The following COL4A4 variants were observed in gnomAD, a reference collection of about 807,000 sequenced individuals.
The protein encoded by COL4A4 is collagen alpha-4(IV) chain.
In COL4A4, 105 loss-of-function variants were observed where a neutral mutation model predicts 192.9. The observed-to-expected ratio is 0.54, with a 90% CI of 0.46 to 0.64. COL4A4 has a LOEUF of 0.64. Among genes scored for constraint, COL4A4 ranks in the 30% least tolerant of loss-of-function variants. The pLI is 0.00. For synonymous variants in COL4A4, 762 were observed against 769.9 expected, an observed-to-expected ratio of 0.99 and a Z score of 0.17; for missense variants, 1,967 against 2,169.3, an observed-to-expected ratio of 0.91 and a Z score of 1.85.
At chr2:227,054,456 A>G in intron 31 of COL4A4, 138 bp downstream of exon 31, 1 of 946,908 alleles carries the variant, frequency 1.1e-6, no homozygotes, top group Non-Finnish European at 1.6e-6. Context: ...TTAAAATTCT[A>G]AAACAAATAC....
the COL4A4 span, among the ~76,000 whole-genome samples, chr2:226,973,653 T>C: frequency 3.9e-5 from 6 of 152,196 alleles, no homozygotes; most frequent in African/African-American, 1.4e-4. Context: ...CAAAGGTAAG[T>C]TAGATCAAGA....
At chr2:227,109,955 G>A (rs955827798) in intron 9 of COL4A4, among the ~76,000 whole-genome samples, 2 of 152,248 alleles carry the variant, frequency 1.3e-5, no homozygotes, top group South Asian at 4.1e-4. Flanking sequence ...TGCTTTTAAA[G>A]TATTATTATT....
intron 20 of COL4A4, 44 bp downstream of exon 20, chr2:227,094,081 A>C (rs776204699): frequency 1.3e-6 from 2 of 1,566,278 alleles, no homozygotes; most frequent in South Asian, 1.1e-5. Context: ...GCAAATATCA[A>C]AAGCAGCATA....
At position 227,091,037 on chromosome 2, in the gene COL4A4, A is replaced by G. The variant is rs1030524644; in HGVS notation, c.1370-1080T>C. Among the ~76,000 whole-genome samples the G allele has an allele frequency of 6.6e-5, 10 of 151,886 alleles. No homozygotes were observed. The East Asian group carries it at 1.4e-3, about 21-fold the overall frequency. On this transcript the variant is annotated intron_variant, in intron 20 of 47. Transcript: ENST00000396625. Reference sequence around the variant, plus strand: ...ATGATTTGTCTAAAAAAACAGACCAAAAGATCCCCTTCCTGAAATTGGCAG... The same window carrying G: ...ATGATTTGTCTAAAAAAACAGACCAGAAGATCCCCTTCCTGAAATTGGCAG...
intron 25 of COL4A4, among the ~76,000 whole-genome samples, chr2:227,073,119 G>A (rs577554126): frequency 4.1e-4 from 62 of 152,056 alleles, no homozygotes; most frequent in Middle Eastern, 6.8e-3. Context: ...ACTGTTTGCC[G>A]ATAATATGAT....
chr2:227,034,465 G>A (rs1319844490), intron 37 of COL4A4, among the ~76,000 whole-genome samples: 1 of 151,770 alleles, frequency 6.6e-6, no homozygotes, highest in African/African-American at 2.4e-5. Context: ...TACGAGCACT[G>A]AAGCTTCTTC....
chr2:227,164,389 C>T, upstream of COL4A4: 1 of 462,996 alleles, frequency 2.2e-6, no homozygotes. The surrounding 1 kb of genome is among the most constrained non-coding windows in gnomAD (Gnocchi z 4.8). Flanking sequence ...CCTCCTTAAC[C>T]CCTTACCCTG....
intron 34 of COL4A4, 64 bp downstream of exon 34, chr2:227,050,004 T>C: frequency 6.7e-7 from 1 of 1,495,080 alleles, no homozygotes; most frequent in Admixed American, 1.7e-5. Flanking sequence ...GGCACTTGTT[T>C]ACAATGTTAT....
chr2:227,087,466 C>T (rs2059665439), intron 22 of COL4A4, among the ~76,000 whole-genome samples: 1 of 152,190 alleles, frequency 6.6e-6, no homozygotes, highest in South Asian at 2.1e-4. Context: ...ATGGCAACTG[C>T]CTTCTTCCAG....
At chr2:227,143,055 G>A (rs756644807) in intron 3 of COL4A4, among the ~76,000 whole-genome samples, 1 of 151,976 alleles carries the variant, frequency 6.6e-6, no homozygotes, top group Non-Finnish European at 1.5e-5. Context: ...TGGGCACACA[G>A]GCACAGATGT....
intron 4 of COL4A4, among the ~76,000 whole-genome samples, chr2:227,138,388 C>CTT (rs1319043433): frequency 1.3e-5 from 2 of 151,832 alleles, no homozygotes; most frequent in East Asian, 3.9e-4. Context: ...AATCCCAGAA[C>CTT]TTTGGGAGGC....
At chr2:226,969,719 T>A in the COL4A4 span, among the ~76,000 whole-genome samples, 1 of 152,234 alleles carries the variant, frequency 6.6e-6, no homozygotes, top group African/African-American at 2.4e-5. Context: ...ATCCATATGT[T>A]CCTGAGTCAC....
chr2:226,996,972 TTGG>T, the COL4A4 span: 1 of 152,192 alleles, frequency 6.6e-6, no homozygotes, highest in Non-Finnish European at 1.5e-5. Context: ...GGTTAACATT[TTGG>T]TGGTATTGTC....
chr2:226,979,632 G>A, the COL4A4 span, among the ~76,000 whole-genome samples: 24 of 152,290 alleles, frequency 1.6e-4, no homozygotes, highest in Non-Finnish European at 3.4e-4. Flanking sequence ...CAGCAGGCTG[G>A]GTACCCTTCT....
chr2:227,054,560 A>T (rs1279454710), intron 31 of COL4A4, 34 bp downstream of exon 31: 1 of 1,613,424 alleles, frequency 6.2e-7, no homozygotes, highest in African/African-American at 1.3e-5. Context: ...AATACCAGAA[A>T]CAAATGCATG....
chr2:227,035,335 T>C (rs1024813530), intron 37 of COL4A4, among the ~76,000 whole-genome samples: 1 of 152,220 alleles, frequency 6.6e-6, no homozygotes, highest in Non-Finnish European at 1.5e-5. Context: ...GTTAGAGGTA[T>C]CAGTTTGCAT....
chr2:226,996,539 A>G, the COL4A4 span: 6 of 152,356 alleles, frequency 3.9e-5, no homozygotes, highest in South Asian at 1.0e-3. Flanking sequence ...AAGATCACTG[A>G]TGTCTTACTG....
chr2:227,050,036 T>C, intron 34 of COL4A4, 32 bp downstream of exon 34: 2 of 1,600,370 alleles, frequency 1.2e-6, no homozygotes, highest in Non-Finnish European at 8.6e-7. Flanking sequence ...ACTATGCATT[T>C]GACAGATGGC....
At chr2:226,976,300 G>A in the COL4A4 span, among the ~76,000 whole-genome samples, 64 of 147,480 alleles carry the variant, frequency 4.3e-4, no homozygotes, top group Non-Finnish European at 1.3e-4. Flanking sequence ...CACCCCCCTG[G>A]AGACACCACT....
Sources: allele counts gnomAD v4.1 joint callset (sites outside exome capture counted in the v4.1 genomes callset), GRCh38; gene constraint gnomAD v4.1.1; non-coding constraint Gnocchi (gnomAD v3.1); transcripts MANE v1.5; gene names NCBI Gene and HGNC (gene_info 2026-07-23, HGNC 2026-07-21).